The following LINGO2 variants were observed in gnomAD, a reference collection of about 807,000 sequenced individuals.
LINGO2 encodes leucine rich repeat and Ig domain containing 2.
Under a neutral mutation model 30.6 loss-of-function variants are expected in LINGO2, and 14 were observed. The observed-to-expected ratio is 0.46, with a 90% CI of 0.30 to 0.72. The LOEUF (loss-of-function observed/expected upper bound fraction) is 0.72. Ranked by LOEUF, LINGO2 falls within the 30% of genes least tolerant of loss-of-function variation. The pLI is 0.07. For synonymous variants in LINGO2, 317 were observed against 288.5 expected, an observed-to-expected ratio of 1.10 and a Z score of -1.00; for missense variants, 729 against 751.7, an observed-to-expected ratio of 0.97 and a Z score of 0.35.
At chr9:28,364,500 G>T (rs1820582694) in intron 3 of LINGO2, among the ~76,000 whole-genome samples, 1 of 152,126 alleles carries the variant, frequency 6.6e-6, no homozygotes, top group African/African-American at 2.4e-5. Context: ...CTAAGATGTG[G>T]AATCTGCCAA....
At chr9:28,452,450 A>T (rs1010033563) in intron 2 of LINGO2, among the ~76,000 whole-genome samples, 2 of 151,842 alleles carry the variant, frequency 1.3e-5, no homozygotes, top group Non-Finnish European at 3.0e-5. Flanking sequence ...CTCACAATAA[A>T]CATGAAAACT....
the LINGO2 span, among the ~76,000 whole-genome samples, chr9:29,010,425 C>A: frequency 6.6e-6 from 1 of 152,096 alleles, no homozygotes. Flanking sequence ...CTGGATGACG[C>A]AGGTGGATTA....
chr9:29,023,327 C>T, the LINGO2 span, among the ~76,000 whole-genome samples: 2 of 152,044 alleles, frequency 1.3e-5, no homozygotes, highest in East Asian at 1.9e-4. Context: ...ATTTATGTTA[C>T]AATCTAACAA....
intron 1 of LINGO2, among the ~76,000 whole-genome samples, chr9:28,595,343 TA>T (rs1167592171): frequency 1.3e-5 from 2 of 152,084 alleles, no homozygotes; most frequent in African/African-American, 2.4e-5. Flanking sequence ...TTCCATCTAG[TA>T]CCTATCTTTC....
chr9:28,613,886 A>C (rs1486932574), intron 1 of LINGO2, among the ~76,000 whole-genome samples: 4 of 152,204 alleles, frequency 2.6e-5, no homozygotes, highest in Non-Finnish European at 5.9e-5. Flanking sequence ...GATATCCACA[A>C]TTTGAATTGA....
At chr9:28,835,316 G>T in the LINGO2 span, among the ~76,000 whole-genome samples, 1 of 152,146 alleles carries the variant, frequency 6.6e-6, no homozygotes, top group African/African-American at 2.4e-5. Flanking sequence ...TGGAGCAAAG[G>T]ATATTAAGTA....
chr9:29,168,005 T>C, the LINGO2 span, among the ~76,000 whole-genome samples: 28 of 152,292 alleles, frequency 1.8e-4, no homozygotes, highest in South Asian at 5.8e-3. Flanking sequence ...GATTCATCTA[T>C]ATATCGAAAT....
chr9:28,162,692 T>C (rs2133606603), intron 4 of LINGO2, among the ~76,000 whole-genome samples: 1 of 152,314 alleles, frequency 6.6e-6, no homozygotes, highest in East Asian at 1.9e-4. Context: ...TTGTATATCC[T>C]TGTGTACTAC....
chr9:28,025,778 A>C (rs78389810), intron 4 of LINGO2, among the ~76,000 whole-genome samples: 3,477 of 152,326 alleles, frequency 0.023, 134 homozygotes, highest in African/African-American at 0.08. Context: ...CAGAAGGCAG[A>C]GAGCCAGACA....
chr9:28,965,089 G>A, the LINGO2 span, among the ~76,000 whole-genome samples: 42 of 151,968 alleles, frequency 2.8e-4, no homozygotes, highest in East Asian at 7.9e-3. Flanking sequence ...GGCATTTTAT[G>A]CATCAAATGG....
chr9:28,402,070 T>C (rs1262995589), intron 2 of LINGO2, among the ~76,000 whole-genome samples: 1 of 152,172 alleles, frequency 6.6e-6, no homozygotes, highest in Non-Finnish European at 1.5e-5. Context: ...TTTTGGCATT[T>C]AAGTGACCAA....
chr9:28,901,908 T>A, the LINGO2 span, among the ~76,000 whole-genome samples: 1 of 152,132 alleles, frequency 6.6e-6, no homozygotes, highest in African/African-American at 2.4e-5. Context: ...AGACATAGAT[T>A]GACCAGGAAC....
chr9:28,162,165 C>G (rs1828305657), intron 4 of LINGO2, among the ~76,000 whole-genome samples: 1 of 152,002 alleles, frequency 6.6e-6, no homozygotes, highest in Non-Finnish European at 1.5e-5. Flanking sequence ...CAGAAAGAAA[C>G]TTATGAGAAA....
At chr9:28,809,745 CAAA>C in the LINGO2 span, among the ~76,000 whole-genome samples, 2 of 96,478 alleles carry the variant, frequency 2.1e-5, no homozygotes, top group Non-Finnish European at 2.0e-5. Flanking sequence ...GACTCTGTCT[CAAA>C]AAAAAAAAAA....
the LINGO2 span, among the ~76,000 whole-genome samples, chr9:28,950,388 T>C: frequency 6.6e-6 from 1 of 152,188 alleles, no homozygotes; most frequent in Non-Finnish European, 1.5e-5. Flanking sequence ...TCGGAAGTTC[T>C]GGCCAGGGCA....
chr9:28,048,641 A>C (rs1182193363), intron 4 of LINGO2, among the ~76,000 whole-genome samples: 2 of 150,894 alleles, frequency 1.3e-5, no homozygotes, highest in Non-Finnish European at 2.9e-5. Flanking sequence ...TAGAATTTCT[A>C]ATTATTCAAC....
exon 6 of LINGO2, chr9:27,948,726 T>C (rs1421802748): frequency 1.7e-6 from 2 of 1,150,668 alleles, no homozygotes; most frequent in Non-Finnish European, 2.5e-6. Context: ...CCTGCTTCCA[T>C]AGACCCTGCT....
the LINGO2 span, among the ~76,000 whole-genome samples, chr9:28,817,849 T>G: frequency 6.6e-6 from 1 of 152,186 alleles, no homozygotes; most frequent in Non-Finnish European, 1.5e-5. Flanking sequence ...GATTTCTGTT[T>G]TTTTGGTTTG....
the LINGO2 span, among the ~76,000 whole-genome samples, chr9:28,910,944 T>C: frequency 1.3e-5 from 2 of 152,116 alleles, no homozygotes; most frequent in African/African-American, 4.8e-5. Flanking sequence ...GTTCAGATTA[T>C]ATGAATATGG....
Sources: allele counts gnomAD v4.1 joint callset (sites outside exome capture counted in the v4.1 genomes callset), GRCh38; gene constraint gnomAD v4.1.1; transcripts MANE v1.5; gene names NCBI Gene and HGNC (gene_info 2026-07-23, HGNC 2026-07-21).